The following GCN1 variants were observed in gnomAD, a reference collection of about 807,000 sequenced individuals.
The protein encoded by GCN1 is GCN1 activator of EIF2AK4, also known as stalled ribosome sensor GCN1.
Under a neutral mutation model 288.4 loss-of-function variants are expected in GCN1, and 90 were observed. That is an observed-to-expected ratio of 0.31 (90% CI 0.26 to 0.37). The LOEUF (loss-of-function observed/expected upper bound fraction) is 0.37, where lower values mean the gene tolerates loss of function less well. Among genes scored for constraint, GCN1 ranks in the 10% least tolerant of loss-of-function variants. GCN1 has a pLI of 1.00. For synonymous variants in GCN1, 1,386 were observed against 1,420.2 expected, an observed-to-expected ratio of 0.98 and a Z score of 0.54; for missense variants, 2,586 against 3,419.9, an observed-to-expected ratio of 0.76 and a Z score of 6.08.
At chr12:120,131,566 G>A (rs1208921234) in intron 54 of GCN1, among the ~76,000 whole-genome samples, 2 of 152,258 alleles carry the variant, frequency 1.3e-5, no homozygotes, top group Non-Finnish European at 2.9e-5. Flanking sequence ...TTACAGCTGT[G>A]TTCTTTGAGC....
intron 15 of GCN1, among the ~76,000 whole-genome samples, chr12:120,169,225 C>T (rs7295912): frequency 0.27 from 37,453 of 137,114 alleles, 6,350 homozygotes; most frequent in East Asian, 0.59. Context: ...TGCAGTGAGT[C>T]GAGATCGCGC....
Position 120,142,765 on chromosome 12 carries a change from G to A in GCN1, c.5614-43C>T, listed in dbSNP as rs1282467261. 2 of 1,603,426 alleles carry A rather than the reference G, an allele frequency of 1.2e-6. No homozygotes were observed. Among genetic ancestry groups the A allele is most frequent in the Non-Finnish European group, 1.7e-6 (2 of 1,170,242 alleles). On this transcript the variant is annotated intron_variant, in intron 43 of 57. Coordinates refer to ENST00000300648, the MANE Select transcript of GCN1 (RefSeq NM_006836.2). This position sits in a 1 kb window ranked among gnomAD's most constrained non-coding sequence, Gnocchi z 4.9. ...GGACAGAGAGTAGTGAAGCCTCTAT[G>A]GCATGGGCATCAGGGCACACCCTAC... is the stretch of plus-strand genomic sequence containing the variant.
chr12:120,185,449 A>T (rs1878790672), intron 2 of GCN1, among the ~76,000 whole-genome samples: 1 of 152,216 alleles, frequency 6.6e-6, no homozygotes, highest in African/African-American at 2.4e-5. Flanking sequence ...CAGGGTTAAG[A>T]AGGCATAATA....
At chr12:120,165,249 A>C (rs60816382) in intron 16 of GCN1, among the ~76,000 whole-genome samples, 31,024 of 151,692 alleles carry the variant, frequency 0.2, 3,756 homozygotes, top group East Asian at 0.56. Context: ...GTTAGCCAGG[A>C]TGGTCTCGAT....
Position 120,145,049 on chromosome 12 carries a change from A to G in GCN1, c.5029T>C (p.Ser1677Pro). The change falls in exon 40 of 58, where the codon TCT becomes CCT. Residue 1677 changes from serine to proline, a missense_variant. By Grantham distance (74) the Ser-to-Pro change is moderately conservative (BLOSUM62 -1). This residue lies in a region of GCN1 where 371 missense variants were observed against 572.6 expected (regional missense o/e 0.65). Coordinates refer to ENST00000300648, the MANE Select transcript of GCN1 (RefSeq NM_006836.2). ...LDPVPEVRTV[S>P]AKALGAMVKG... is the part of the protein sequence containing the mutation. The stretch of plus-strand genomic sequence containing the variant: ...ACCATGGCCCCAAGGGCCTTTGCAG[A>G]TACGGTCCGCACCTGTCAGGTAACC... The G allele has an allele frequency of 6.2e-7, 1 of 1,614,022 alleles. No homozygotes were observed.
At chr12:120,178,988 A>C (rs763999914) in intron 5 of GCN1, 38 bp from the exon 6 acceptor site, 1 of 1,534,344 alleles carries the variant, frequency 6.5e-7, no homozygotes, top group East Asian at 2.3e-5. Flanking sequence ...AAGGTGGGAC[A>C]TGAGACTGAG....
intron 2 of GCN1, among the ~76,000 whole-genome samples, chr12:120,189,175 C>T (rs556518844): frequency 5.9e-5 from 9 of 152,118 alleles, no homozygotes; most frequent in East Asian, 5.8e-4. Context: ...CAGGTTGAAG[C>T]GATTCTCCTG....
chr12:120,146,757 T>C (rs1035992478), intron 38 of GCN1, among the ~76,000 whole-genome samples: 5 of 151,080 alleles, frequency 3.3e-5, no homozygotes, highest in African/African-American at 7.3e-5. Context: ...AATACAGGAG[T>C]ATTCTTGTCA....
At chr12:120,147,514 T>A (rs1877400649) in intron 37 of GCN1, among the ~76,000 whole-genome samples, 1 of 152,240 alleles carries the variant, frequency 6.6e-6, no homozygotes, top group Non-Finnish European at 1.5e-5. Context: ...ATTACAGGCA[T>A]GAGCCACAGA....
chr12:120,161,656 C>T, intron 21 of GCN1, 73 bp from the exon 22 acceptor site: 3 of 1,130,636 alleles, frequency 2.7e-6, no homozygotes, highest in South Asian at 1.2e-5. Flanking sequence ...GCCAGCCATG[C>T]AATTCCAACT....
At position 120,169,264 on chromosome 12, in the gene GCN1, G is replaced by A. The variant is rs1204440336; in HGVS notation, c.1519+905C>T. ...TGCACTCCAGCCTGGGCGACAGAGC[G>A]AAACTCCGTCTCAAAAAAAAAAAAA... On this transcript the variant is annotated intron_variant, in intron 15 of 57. Coordinates refer to ENST00000300648, the MANE Select transcript of GCN1 (RefSeq NM_006836.2). Among the ~76,000 whole-genome samples the A allele has an allele frequency of 1.2e-4, 8 of 64,814 alleles. No individual in the cohort carries two copies. In the East Asian group the frequency reaches 3.1e-3, roughly 25 times the overall value. 42.5% of individuals were successfully genotyped at this position (64,814 alleles called of 152,430 possible).
At chr12:120,129,686 A>AC (rs1876750525) in intron 56 of GCN1, among the ~76,000 whole-genome samples, 192 bp from the exon 57 acceptor site, 1 of 150,158 alleles carries the variant, frequency 6.7e-6, no homozygotes, top group Non-Finnish European at 1.5e-5. Flanking sequence ...CTTGCTCACT[A>AC]CTCTCAGCCC....
Position 120,160,130 on chromosome 12 carries a change from G to A in GCN1, c.2550+12C>T. The A allele has an allele frequency of 1.1e-5, 18 of 1,602,382 alleles. No homozygotes were observed. The highest frequency in any genetic ancestry group is 1.5e-5 in the Non-Finnish European group (18 of 1,169,962). On this transcript the variant is annotated intron_variant, in intron 23 of 57. Transcript: ENST00000300648. ...CTTCCGGCTTGAGCATGTGGCGGAGGTGGCCACTCACCTCCTGCAGCCGCC... is the reference window on the plus strand; with the variant it reads ...CTTCCGGCTTGAGCATGTGGCGGAGATGGCCACTCACCTCCTGCAGCCGCC...
At chr12:120,140,080 C>T (rs1877140842) in intron 45 of GCN1, among the ~76,000 whole-genome samples, 1 of 152,184 alleles carries the variant, frequency 6.6e-6, no homozygotes, top group African/African-American at 2.4e-5. Context: ...CTTTTGATTC[C>T]TTGCCAAATG....
At chr12:120,145,181 A>G (rs1450732068) in intron 39 of GCN1, 81 bp downstream of exon 39, 5 of 1,550,452 alleles carry the variant, frequency 3.2e-6, no homozygotes, top group East Asian at 2.3e-5. Flanking sequence ...ACACAAAAGC[A>G]GCTTTGGGGA....
intron 36 of GCN1, among the ~76,000 whole-genome samples, chr12:120,148,585 A>G (rs1295751255): frequency 3.9e-5 from 6 of 152,192 alleles, no homozygotes; most frequent in African/African-American, 1.4e-4. Flanking sequence ...AGAGACCAGG[A>G]TAGGTAAGAC....
In GCN1 at chr12:120,149,727, G is replaced by A. The variant is rs775191123; in HGVS notation, c.4432-7C>T. ...TGGCACAGTCATCTGCAGCCTCAAGGGGGGAGAAAACACATTCAGGGGCCT... is the reference window on the plus strand; with the variant it reads ...TGGCACAGTCATCTGCAGCCTCAAGAGGGGAGAAAACACATTCAGGGGCCT... On this transcript the variant is annotated splice_region_variant and splice_polypyrimidine_tract_variant and intron_variant, in intron 35 of 57. Coordinates refer to ENST00000300648, the MANE Select transcript of GCN1 (RefSeq NM_006836.2). 19 of 1,610,934 alleles carry A rather than the reference G, an allele frequency of 1.2e-5. No homozygotes were observed. Among genetic ancestry groups the A allele is most frequent in the Non-Finnish European group, 1.5e-5 (18 of 1,177,250 alleles).
At position 120,144,909 on chromosome 12, in the gene GCN1, T is replaced by C; in HGVS notation, c.5155+14A>G. ...GCATTCCCAGGCTGGCCACTGGACC[T>C]GCTCTGGCCTTACCCTGTGCAGCGC... is the stretch of plus-strand genomic sequence containing the variant. On this transcript the variant is annotated intron_variant, in intron 40 of 57. Coordinates refer to ENST00000300648, the MANE Select transcript of GCN1 (RefSeq NM_006836.2). This position sits in a 1 kb window ranked among gnomAD's most constrained non-coding sequence, Gnocchi z 4.7. 1 of 1,614,192 alleles carries C rather than the reference T, an allele frequency of 6.2e-7. No homozygotes were observed. The highest frequency in any genetic ancestry group is 8.5e-7 in the Non-Finnish European group (1 of 1,180,022).
Position 120,130,769 on chromosome 12 carries a change from A to G in GCN1, c.7564-16T>C. The G allele has an allele frequency of 6.4e-7, 1 of 1,566,264 alleles. No individual in the cohort carries two copies. The highest frequency in any genetic ancestry group is 8.8e-7 in the Non-Finnish European group (1 of 1,137,428). On this transcript the variant is annotated splice_polypyrimidine_tract_variant and intron_variant, in intron 55 of 57. Transcript: ENST00000300648. ...CAATGGGGATCTGTGGAGAACAGACAGCGCTAGACGGGAGGCCCCCCACCC... is the reference window on the plus strand; with the variant it reads ...CAATGGGGATCTGTGGAGAACAGACGGCGCTAGACGGGAGGCCCCCCACCC...
Sources: gnomAD v4.1 joint callset for allele counts (sites outside exome capture counted in the v4.1 genomes callset) on GRCh38, gnomAD v4.1.1 for gene constraint, gnomAD v4.1.1 regional missense constraint, Gnocchi (gnomAD v3.1) non-coding constraint, MANE v1.5 for transcripts, NCBI Gene and HGNC (gene_info 2026-07-23, HGNC 2026-07-21) for gene names.